Variants in KCNMA1 observed in about 807,000 individuals in gnomAD.
KCNMA1 encodes the protein Calcium-activated potassium channel subunit alpha-1.
Under a neutral mutation model 140.0 loss-of-function variants are expected in KCNMA1, and 29 were observed. The ratio of observed to expected loss-of-function variants is 0.21; its 90% confidence interval spans 0.15 to 0.28. KCNMA1 has a LOEUF of 0.28. Ranked by LOEUF, KCNMA1 falls within the 10% of genes least tolerant of loss-of-function variation. KCNMA1 has a pLI of 1.00. For missense variants in KCNMA1, 880 were observed against 1,602.2 expected (o/e 0.55, Z 7.70); for synonymous variants, 612 against 611.9 (o/e 1.00, Z 0.00).
chr10:77,148,460 A>G (rs550077821), intron 5 of KCNMA1: 1 of 152,350 alleles, frequency 6.6e-6, no homozygotes, highest in Non-Finnish European at 1.5e-5. Context: ...CAAGGGCCTC[A>G]GGTATCATGA....
rs1384315392 is a variant in KCNMA1 at position 77,621,601 on chromosome 10, T to C, written c.378+15664A>G. Among the ~76,000 whole-genome samples, 7 of 152,262 alleles carry C rather than the reference T, an allele frequency of 4.6e-5. No homozygotes were observed. In the East Asian group the frequency reaches 1.4e-3, roughly 29 times the overall value. On this transcript the variant is annotated intron_variant, in intron 1 of 27. Transcript: ENST00000286628. ...TAAATTCTGCATCCTACCTCCAATA[T>C]ACTCTGTGTACAGTGTAAGTGTTAA...
chr10:77,435,030 T>C (rs747581124), intron 1 of KCNMA1, among the ~76,000 whole-genome samples: 7 of 152,152 alleles, frequency 4.6e-5, no homozygotes, highest in South Asian at 2.1e-4. Context: ...CATAACTCAC[T>C]GCAGGCTCAA....
intron 1 of KCNMA1, among the ~76,000 whole-genome samples, chr10:77,465,732 A>G (rs576906103): frequency 1.3e-5 from 2 of 152,280 alleles, no homozygotes; most frequent in Admixed American, 6.5e-5. Flanking sequence ...GCCTCTCCCT[A>G]GGAATATTCT....
At chr10:77,555,839 G>A (rs1483575376) in intron 1 of KCNMA1, among the ~76,000 whole-genome samples, 1 of 138,926 alleles carries the variant, frequency 7.2e-6, no homozygotes, top group Non-Finnish European at 1.6e-5. Flanking sequence ...GTTAGTGCTA[G>A]AGAGGCCAGA....
intron 2 of KCNMA1, among the ~76,000 whole-genome samples, chr10:77,264,160 C>T (rs1310006698): frequency 6.6e-6 from 1 of 152,086 alleles, no homozygotes; most frequent in African/African-American, 2.4e-5. Context: ...AAAGCCTGGC[C>T]CACAGCCCCT....
chr10:77,481,193 T>C (rs2098389960), intron 1 of KCNMA1, among the ~76,000 whole-genome samples: 2 of 151,942 alleles, frequency 1.3e-5, no homozygotes, highest in African/African-American at 4.8e-5. Flanking sequence ...AGCGTGTACA[T>C]GTTATTTCTC....
rs148843897 is a variant in KCNMA1 at position 77,157,180 on chromosome 10, G to A, written c.808+26241C>T. Reference sequence around the variant, plus strand: ...ATGTAGGCCAGGCACAGTGGCTCATGCCTATAACCCCAGCACTATGGGAGG... The same window carrying A: ...ATGTAGGCCAGGCACAGTGGCTCATACCTATAACCCCAGCACTATGGGAGG... On this transcript the variant is annotated intron_variant, in intron 5 of 27. Coordinates refer to ENST00000286628, the MANE Select transcript of KCNMA1 (RefSeq NM_001161352.2). Among the ~76,000 whole-genome samples, 10 of 152,246 alleles carry A rather than the reference G, an allele frequency of 6.6e-5. No individual in the cohort carries two copies. In the East Asian group the frequency reaches 1.9e-3, roughly 29 times the overall value.
intron 2 of KCNMA1, among the ~76,000 whole-genome samples, chr10:77,318,934 G>A (rs368196034): frequency 8.8e-4 from 134 of 152,260 alleles, no homozygotes; most frequent in African/African-American, 3.2e-3. Flanking sequence ...CTGCTGGCCC[G>A]CTGCAAGCCT....
At chr10:77,172,511 G>A (rs569400402) in intron 5 of KCNMA1, among the ~76,000 whole-genome samples, 2 of 152,176 alleles carry the variant, frequency 1.3e-5, no homozygotes, top group South Asian at 4.2e-4. Flanking sequence ...AGCAGCGACC[G>A]GAACAGCAAT....
At chr10:77,235,694 A>C (rs1356388384) in intron 3 of KCNMA1, among the ~76,000 whole-genome samples, 1 of 152,218 alleles carries the variant, frequency 6.6e-6, no homozygotes, top group Non-Finnish European at 1.5e-5. Context: ...CATTAGTAGA[A>C]TCTGGAAGCA....
chr10:77,516,072 G>A (rs1042705688), intron 1 of KCNMA1, among the ~76,000 whole-genome samples: 1 of 152,176 alleles, frequency 6.6e-6, no homozygotes, highest in South Asian at 2.1e-4. Context: ...AGGTGCATGC[G>A]AAGGGTGCAT....
chr10:77,547,472 A>G (rs1399999118), intron 1 of KCNMA1, among the ~76,000 whole-genome samples: 2 of 152,220 alleles, frequency 1.3e-5, no homozygotes, highest in African/African-American at 4.8e-5. Flanking sequence ...TACAGAGCCA[A>G]GAACCCAAGT....
chr10:77,527,706 A>AGAGC (rs1424691830), intron 1 of KCNMA1, among the ~76,000 whole-genome samples: 2 of 152,226 alleles, frequency 1.3e-5, no homozygotes, highest in Non-Finnish European at 2.9e-5. Context: ...AGAAAGAGAG[A>AGAGC]GAGCGAGAGA....
At chr10:76,951,887 C>G in intron 21 of KCNMA1, 1 of 772,318 alleles carries the variant, frequency 1.3e-6, no homozygotes, top group Admixed American at 2.3e-5. Context: ...TTCCCCCAGC[C>G]CCACCCTGCT....
intron 13 of KCNMA1, among the ~76,000 whole-genome samples, chr10:77,073,730 C>T (rs540950125): frequency 2.0e-5 from 3 of 152,278 alleles, no homozygotes; most frequent in Non-Finnish European, 2.9e-5. Flanking sequence ...AGATTGCTGG[C>T]CCCCCACCAG....
intron 2 of KCNMA1, among the ~76,000 whole-genome samples, chr10:77,399,347 C>T (rs2096183067): frequency 6.6e-6 from 1 of 152,172 alleles, no homozygotes; most frequent in Non-Finnish European, 1.5e-5. Flanking sequence ...CCAAATCCCA[C>T]AGTGGAATTT....
chr10:77,327,557 A>G (rs1308311639), intron 2 of KCNMA1, among the ~76,000 whole-genome samples: 12 of 151,962 alleles, frequency 7.9e-5, no homozygotes. Flanking sequence ...GTTTCACCAT[A>G]TTAGCCAGGC....
At chr10:77,375,207 G>A (rs988681995) in intron 2 of KCNMA1, among the ~76,000 whole-genome samples, 8 of 152,216 alleles carry the variant, frequency 5.3e-5, no homozygotes, top group African/African-American at 1.9e-4. Flanking sequence ...GTATGAGCAA[G>A]GGTAGGAGAG....
At chr10:77,178,520 A>G (rs1218182464) in intron 5 of KCNMA1, among the ~76,000 whole-genome samples, 1 of 152,136 alleles carries the variant, frequency 6.6e-6, no homozygotes, top group Non-Finnish European at 1.5e-5. Flanking sequence ...CAGCCTGGCC[A>G]ACATGGCGAT....
Sources: allele counts gnomAD v4.1 joint callset (sites outside exome capture counted in the v4.1 genomes callset), GRCh38; gene constraint gnomAD v4.1.1; transcripts MANE v1.5; gene names NCBI Gene and HGNC (gene_info 2026-07-23, HGNC 2026-07-21).